The following COMMD10 variants were observed in gnomAD, a reference collection of about 807,000 sequenced individuals.
COMMD10 encodes COMM domain containing 10, also known as COMM domain-containing protein 10.
A neutral mutation model predicts 28.9 loss-of-function variants in COMMD10; 33 were observed. The observed-to-expected ratio is 1.14, with a 90% CI of 0.87 to 1.53. The LOEUF (loss-of-function observed/expected upper bound fraction) is 1.53, where lower values mean the gene tolerates loss of function less well. COMMD10 is among the 40% of genes most tolerant of loss of function. The pLI is 0.00. For missense variants in COMMD10, 310 were observed against 233.4 expected (o/e 1.33, Z -2.14); for synonymous variants, 110 against 81.7 (o/e 1.35, Z -1.87).
intron 5 of COMMD10, among the ~76,000 whole-genome samples, chr5:116,216,788 G>T (rs1749114598): frequency 6.6e-6 from 1 of 151,986 alleles, no homozygotes; most frequent in Non-Finnish European, 1.5e-5. Flanking sequence ...CCTGCCTTAG[G>T]CTCCCAAAGT....
intron 1 of COMMD10, among the ~76,000 whole-genome samples, chr5:116,086,829 T>C (rs1186995131): frequency 1.3e-5 from 2 of 151,976 alleles, no homozygotes; most frequent in African/African-American, 4.8e-5. Context: ...AATACAAAAA[T>C]TAGCCAGCGC....
chr5:116,139,572 T>C (rs1752130832), intron 5 of COMMD10, among the ~76,000 whole-genome samples: 1 of 147,306 alleles, frequency 6.8e-6, no homozygotes, highest in South Asian at 2.1e-4. Flanking sequence ...TAGCTACTTA[T>C]GTGAGTTCGT....
chr5:116,274,111 G>A (rs1457559443), intron 5 of COMMD10, among the ~76,000 whole-genome samples: 1 of 151,574 alleles, frequency 6.6e-6, no homozygotes, highest in East Asian at 1.9e-4. Context: ...TAGTGAAGAG[G>A]GTCTGAAATT....
chr5:116,273,481 T>C (rs1431434375), intron 5 of COMMD10, among the ~76,000 whole-genome samples: 1 of 151,848 alleles, frequency 6.6e-6, no homozygotes, highest in Non-Finnish European at 1.5e-5. Flanking sequence ...CAAAACAATT[T>C]CAAGTTCAAA....
At chr5:116,209,066 C>T (rs1212876877) in intron 5 of COMMD10, among the ~76,000 whole-genome samples, 1 of 151,992 alleles carries the variant, frequency 6.6e-6, no homozygotes, top group East Asian at 1.9e-4. Context: ...CATGGCTATT[C>T]CACTTTTTCC....
At chr5:116,190,795 G>A (rs989995827) in intron 5 of COMMD10, among the ~76,000 whole-genome samples, 31 of 152,084 alleles carry the variant, frequency 2.0e-4, no homozygotes, top group Non-Finnish European at 3.8e-4. Context: ...CAAACCTTAA[G>A]TTCTATAAAA....
intron 4 of COMMD10, among the ~76,000 whole-genome samples, chr5:116,125,966 T>A (rs1321251653): frequency 1.3e-5 from 2 of 152,162 alleles, no homozygotes; most frequent in East Asian, 3.9e-4. Flanking sequence ...GGTATTCAGT[T>A]AGGAAAAGAA....
At chr5:116,270,659 G>A (rs879495276) in intron 5 of COMMD10, among the ~76,000 whole-genome samples, 5 of 151,620 alleles carry the variant, frequency 3.3e-5, no homozygotes, top group Admixed American at 6.6e-5. Context: ...AAATTAGGAC[G>A]GACACGGTGG....
chr5:116,110,724 C>G (rs148657744), intron 4 of COMMD10, among the ~76,000 whole-genome samples: 24 of 152,180 alleles, frequency 1.6e-4, no homozygotes, highest in African/African-American at 5.8e-4. Flanking sequence ...CCTGGGGAGG[C>G]CTTGAGAAAC....
In COMMD10 at chr5:116,286,912, T is replaced by C. The variant is rs143905062; in HGVS notation, c.511-4605T>C. On this transcript the variant is annotated intron_variant, in intron 5 of 6. Transcript: ENST00000274458. ...TATTCAAATCTTGTTTCCTTGTTGA[T>C]TTTCTGAATAATTCTGTTCATTGTT... is the stretch of plus-strand genomic sequence containing the variant. 2.6e-3 allele frequency among the ~76,000 whole-genome samples: 391 copies of C among 151,930 alleles called. 1 individual carries two copies. The highest frequency in any genetic ancestry group is 4.4e-3 in the Non-Finnish European group (299 of 67,926).
chr5:116,117,863 T>C (rs1561610666), intron 4 of COMMD10, among the ~76,000 whole-genome samples: 1 of 152,220 alleles, frequency 6.6e-6, no homozygotes, highest in Admixed American at 6.5e-5. Context: ...TGGTGTGATA[T>C]AGGCTATTTC....
intron 5 of COMMD10, among the ~76,000 whole-genome samples, chr5:116,222,982 G>T (rs955954826): frequency 6.6e-6 from 1 of 152,098 alleles, no homozygotes; most frequent in African/African-American, 2.4e-5. Flanking sequence ...GAGCCACTGC[G>T]CTCAGCCGCC....
In COMMD10 at chr5:116,178,193, G is replaced by A. The variant is rs1265994299; in HGVS notation, c.510+44015G>A. ...AACTGCTTAAATGAATGATGGAGTT[G>A]AGATAGAAACCACTTCATTTTGGAT... On this transcript the variant is annotated intron_variant, in intron 5 of 6. Transcript: ENST00000274458. Among the ~76,000 whole-genome samples, 3 of 152,062 alleles carry A rather than the reference G, an allele frequency of 2.0e-5. No individual in the cohort carries two copies. In the East Asian group the frequency reaches 5.8e-4, roughly 29 times the overall value.
chr5:116,175,674 C>G (rs151114877), intron 5 of COMMD10, among the ~76,000 whole-genome samples: 1 of 151,980 alleles, frequency 6.6e-6, no homozygotes, highest in Non-Finnish European at 1.5e-5. Context: ...ATATATGCAA[C>G]GGGATATTAT....
At chr5:116,247,451 G>C (rs115836322) in intron 5 of COMMD10, among the ~76,000 whole-genome samples, 1 of 152,038 alleles carries the variant, frequency 6.6e-6, no homozygotes, top group South Asian at 2.1e-4. Flanking sequence ...ATTCAAGCCA[G>C]CAATCTCATT....
intron 5 of COMMD10, among the ~76,000 whole-genome samples, chr5:116,249,465 AAG>A (rs1391557194): frequency 1.3e-5 from 2 of 151,934 alleles, no homozygotes; most frequent in Non-Finnish European, 2.9e-5. Context: ...TTAAATAAAA[AAG>A]AATTCTTATA....
chr5:116,274,544 A>AC lies in COMMD10; in HGVS notation c.511-16972dup, dbSNP rs1750850570. Among the ~76,000 whole-genome samples the AC allele has an allele frequency of 1.3e-5, 2 of 151,702 alleles. 1 individual carries two copies. Among genetic ancestry groups the AC allele is most frequent in the African/African-American group, 4.9e-5 (2 of 41,102 alleles). Reference sequence around the variant, plus strand: ...TGAGCTACATTTGCTTGATTTTCTTACTGTATACTCATTCCTCTGTTCAGC... The same window carrying AC: ...TGAGCTACATTTGCTTGATTTTCTTACCTGTATACTCATTCCTCTGTTCAGC... On this transcript the variant is annotated intron_variant, in intron 5 of 6. Transcript: ENST00000274458.
rs1434950145 is a variant in COMMD10, at chr5:116,136,990, TGAGGTATA to T, written c.510+2816_510+2823del. Among the ~76,000 whole-genome samples the T allele has an allele frequency of 1.3e-5, 2 of 152,130 alleles. 1 individual carries two copies. The highest frequency in any genetic ancestry group is 2.9e-5 in the Non-Finnish European group (2 of 67,994). ...TCCTAAACAATAGACAGACACATAA[TGAGGTATA>T]GAGCTACCATCACCTAGGCAGAAGC... is the stretch of plus-strand genomic sequence containing the variant. On this transcript the variant is annotated intron_variant, in intron 5 of 6. Coordinates refer to ENST00000274458, the MANE Select transcript of COMMD10 (RefSeq NM_016144.4).
intron 5 of COMMD10, among the ~76,000 whole-genome samples, chr5:116,156,815 T>G (rs1461647099): frequency 1.3e-5 from 2 of 151,114 alleles, no homozygotes; most frequent in Non-Finnish European, 2.9e-5. Flanking sequence ...GAGACTATTT[T>G]GCCAGCTTAT....
Sources: allele counts gnomAD v4.1 joint callset (sites outside exome capture counted in the v4.1 genomes callset), GRCh38; gene constraint gnomAD v4.1.1; transcripts MANE v1.5; gene names NCBI Gene and HGNC (gene_info 2026-07-23, HGNC 2026-07-21).